OR2AP1: variants seen among roughly 807,000 people sequenced by gnomAD.
The protein encoded by OR2AP1 is olfactory receptor 2AP1.
Under a neutral mutation model 13.9 loss-of-function variants are expected in OR2AP1, and 20 were observed. That is an observed-to-expected ratio of 1.44 (90% CI 1.01 to 2.09). The LOEUF (loss-of-function observed/expected upper bound fraction) is 2.09, where lower values mean the gene tolerates loss of function less well. OR2AP1 is among the 30% of genes most tolerant of loss of function. The probability of loss-of-function intolerance (pLI) is 0.00; values close to 1 mark genes in which losing one functional copy is unlikely to be tolerated. For synonymous variants in OR2AP1, 174 were observed against 137.0 expected (o/e 1.27, Z -1.89); for missense variants, 490 against 360.6 (o/e 1.36, Z -2.91).
Position 55,575,500 on chromosome 12 carries a change from TG to T in OR2AP1, c.*157del. 1.9e-6 allele frequency: 1 copy of T among 522,594 alleles called. No individual in the cohort carries two copies. Among genetic ancestry groups the T allele is most frequent in the Non-Finnish European group, 3.4e-6 (1 of 293,156 alleles). The allele number at this position is 522,594 out of a possible 1,614,324, so 32.4% of individuals were successfully genotyped here. On this transcript the variant is annotated 3_prime_UTR_variant, in exon 2 of 2. Transcript: ENST00000641114. Reference sequence around the variant, plus strand: ...TTAAAAATGATGAGTTGATGTCCTTTGTAGGGACATGGATGAAATTGGAAAT... The same window carrying T: ...TTAAAAATGATGAGTTGATGTCCTTTTAGGGACATGGATGAAATTGGAAAT...
Position 55,575,136 on chromosome 12 carries a change from C to A in OR2AP1, c.722C>A (p.Ser241Tyr), listed in dbSNP as rs754521205. ...QRTKAFSTCS[S>Y]HMIVISLSYG... ...ACAAAAGCCTTTTCCACATGTTCTT[C>A]CCACATGATTGTCATCTCCCTCTCT... Residue 241 changes from serine (S) to tyrosine (Y), a missense_variant, in exon 2 of 2, where the codon TCC becomes TAC. Physicochemically the swap from Ser to Tyr is moderately radical, Grantham distance 144. Transcript: ENST00000641114. 1.9e-5 allele frequency: 31 copies of A among 1,600,438 alleles called. No individual in the cohort carries two copies. The highest frequency in any genetic ancestry group is 2.5e-5 in the Non-Finnish European group (30 of 1,177,826).
Position 55,574,322 on chromosome 12 carries a change from C to T in OR2AP1, c.-93C>T, listed in dbSNP as rs993478106. The T allele has an allele frequency of 1.8e-5, 12 of 668,474 alleles. No homozygotes were observed. Among genetic ancestry groups the T allele is most frequent in the Non-Finnish European group, 2.8e-5 (11 of 397,736 alleles). The allele number at this position is 668,474 out of a possible 1,614,324, so 41.4% of individuals were successfully genotyped here. A position where few individuals can be genotyped will look rare whatever the true frequency, so the allele number is the denominator to read the frequency against. On this transcript the variant is annotated 5_prime_UTR_variant, in exon 2 of 2. Transcript: ENST00000641114. ...ATCATCCATTTCATTTTTTTCTTGT[C>T]AGACTTCATCCGTTCATTTCAGAGC...
At position 55,575,266 on chromosome 12, in the gene OR2AP1, C is replaced by A; in HGVS notation, c.852C>A (p.Asn284Lys). 1 of 1,546,698 alleles carries A rather than the reference C, an allele frequency of 6.5e-7. No homozygotes were observed. The highest frequency in any genetic ancestry group is 8.7e-7 in the Non-Finnish European group (1 of 1,151,212). ...TTACTTCAGTTGCTCCTTTGTTGAA[C>A]CCCTTTATTTACACCCTAAGGAACC... ...LLITSVAPLL[N>K]PFIYTLRNQQ... Residue 284 changes from asparagine (N) to lysine (K), a missense_variant, in exon 2 of 2, where the codon AAC (asparagine) becomes AAA (lysine). Coordinates refer to ENST00000641114, the MANE Select transcript of OR2AP1 (RefSeq NM_001258285.2).
intron 1 of OR2AP1, among the ~76,000 whole-genome samples, chr12:55,573,552 G>T (rs900037150): frequency 4.3e-4 from 66 of 152,136 alleles, no homozygotes; most frequent in African/African-American, 1.6e-3. Flanking sequence ...ATAATTTAAT[G>T]GATTCACAGA....
chr12:55,573,380 C>A (rs138211140), intron 1 of OR2AP1, among the ~76,000 whole-genome samples: 23 of 152,076 alleles, frequency 1.5e-4, no homozygotes, highest in African/African-American at 5.1e-4. Flanking sequence ...AGGGCACTCC[C>A]AGATAATGTG....
At chr12:55,573,638 CA>C (rs1253332815) in intron 1 of OR2AP1, among the ~76,000 whole-genome samples, 13 of 152,310 alleles carry the variant, frequency 8.5e-5, no homozygotes, top group African/African-American at 2.9e-4. Context: ...AAGATCCTAA[CA>C]TTTCCTTGGA....
At chr12:55,573,016 TA>T (rs1321518179) in intron 1 of OR2AP1, among the ~76,000 whole-genome samples, 1 of 151,598 alleles carries the variant, frequency 6.6e-6, no homozygotes, top group South Asian at 2.1e-4. Context: ...TCACAAAAAA[TA>T]AAAAATAATA....
chr12:55,574,750 T>A lies in OR2AP1; in HGVS notation c.336T>A (p.Leu112=). The change falls in exon 2 of 2, where the codon CTT becomes CTA. Residue 112 remains leucine (L), a synonymous_variant. Transcript: ENST00000641114. ...TCCTTGGGGCTACAGAGTTTTACCT[T>A]CTGGCTGCCATGTCCTATGACCGCT... The part of the protein sequence containing the change: ...AMFLGATEFY[L]LAAMSYDRYV... 1 of 1,596,304 alleles carries A rather than the reference T, an allele frequency of 6.3e-7. No homozygotes were observed. Among genetic ancestry groups the A allele is most frequent in the Non-Finnish European group, 8.5e-7 (1 of 1,170,714 alleles).
intron 1 of OR2AP1, among the ~76,000 whole-genome samples, chr12:55,573,799 C>A (rs536565195): frequency 6.6e-6 from 1 of 152,198 alleles, no homozygotes; most frequent in East Asian, 1.9e-4. Flanking sequence ...AACCCTAATA[C>A]ACAAATCTTT....
In OR2AP1 at chr12:55,574,929, T is replaced by C; in HGVS notation, c.515T>C (p.Leu172Pro). Residue 172 changes from leucine (L) to proline (P), a missense_variant, in exon 2 of 2, where the codon CTG becomes CCG. Coordinates refer to ENST00000641114, the MANE Select transcript of OR2AP1 (RefSeq NM_001258285.2). ...SQQDFCASNR[L>P]NHYFCDYEPL... is the part of the protein sequence containing the mutation. ...CAGGACTTTTGTGCATCCAACAGAC[T>C]GAATCATTACTTCTGTGACTATGAG... The C allele has an allele frequency of 6.5e-7, 1 of 1,538,786 alleles. No individual in the cohort carries two copies. Among genetic ancestry groups the C allele is most frequent in the South Asian group, 1.2e-5 (1 of 84,140 alleles).
chr12:55,574,565 T>C lies in OR2AP1; in HGVS notation c.151T>C (p.Ser51Pro), dbSNP rs537195820. Reference sequence around the variant, plus strand: ...TATCCTCATCCTCACCTTGCTGGACTCCCACCTTCAGACTCCCATGTATTT... The same window carrying C: ...TATCCTCATCCTCACCTTGCTGGACCCCCACCTTCAGACTCCCATGTATTT... The part of the protein sequence containing the change: ...LTILILTLLD[S>P]HLQTPMYFFL... The change falls in exon 2 of 2, where the codon TCC becomes CCC. Residue 51 changes from serine to proline, a missense_variant. By Grantham distance (74) the Ser-to-Pro change is moderately conservative (BLOSUM62 -1). Coordinates refer to ENST00000641114, the MANE Select transcript of OR2AP1 (RefSeq NM_001258285.2). 7.1e-6 allele frequency: 11 copies of C among 1,540,376 alleles called. No homozygotes were observed. In the Admixed American group the frequency reaches 1.8e-4, roughly 25 times the overall value.
Position 55,574,811 on chromosome 12 carries a change from A to T in OR2AP1, c.397A>T (p.Ile133Phe). 1 of 1,606,780 alleles carries T rather than the reference A, an allele frequency of 6.2e-7. No individual in the cohort carries two copies. The highest frequency in any genetic ancestry group is 8.5e-7 in the Non-Finnish European group (1 of 1,176,592). Reference sequence around the variant, plus strand: ...CTGCAAACCTCTGCATTACACCACCATCATGAGCAGCAGAATCTGCATCCA... The same window carrying T: ...CTGCAAACCTCTGCATTACACCACCTTCATGAGCAGCAGAATCTGCATCCA... ...AICKPLHYTT[I>F]MSSRICIQLI... Residue 133 changes from isoleucine (I) to phenylalanine (F), a missense_variant, in exon 2 of 2, where the codon ATC becomes TTC. Coordinates refer to ENST00000641114, the MANE Select transcript of OR2AP1 (RefSeq NM_001258285.2).
rs1293024802 is a variant in OR2AP1, at chr12:55,574,302, C to T, written c.-113C>T. On this transcript the variant is annotated 5_prime_UTR_variant, in exon 2 of 2. Transcript: ENST00000641114. Reference sequence around the variant, plus strand: ...TGTCATCAGAGGAGAAGTTAATCATCCATTTCATTTTTTTCTTGTCAGACT... The same window carrying T: ...TGTCATCAGAGGAGAAGTTAATCATTCATTTCATTTTTTTCTTGTCAGACT... 1.6e-6 allele frequency: 1 copy of T among 624,606 alleles called. No individual in the cohort carries two copies. Among genetic ancestry groups the T allele is most frequent in the Non-Finnish European group, 2.8e-6 (1 of 358,510 alleles). 38.7% of individuals were successfully genotyped at this position (624,606 alleles called of 1,614,324 possible). A position where few individuals can be genotyped will look rare whatever the true frequency, so the allele number is the denominator to read the frequency against.
intron 1 of OR2AP1, 52 bp downstream of exon 1, chr12:55,572,674 T>A (rs961040329): frequency 6.6e-6 from 1 of 152,070 alleles, no homozygotes; most frequent in Non-Finnish European, 1.5e-5. Flanking sequence ...CTGGCTACCA[T>A]CCCCAGCACC....
In OR2AP1 at chr12:55,574,419, A is replaced by G; in HGVS notation, c.5A>G (p.Lys2Arg). The change falls in exon 2 of 2, where the codon AAA (lysine) becomes AGA (arginine). Residue 2 changes from lysine to arginine, a missense_variant. Physicochemically the swap from Lys to Arg is conservative, Grantham distance 26. Transcript: ENST00000641114. ...AGACTCAAAATTTTTTCAACAATGA[A>G]AAATAAAACCGTGTTAACTGAGTTT... M[K>R]NKTVLTEFIL... 1 of 1,500,784 alleles carries G rather than the reference A, an allele frequency of 6.7e-7. No homozygotes were observed. The highest frequency in any genetic ancestry group is 8.8e-7 in the Non-Finnish European group (1 of 1,131,132). The allele number at this position is 1,500,784 out of a possible 1,614,324, so 93.0% of individuals were successfully genotyped here. A position where few individuals can be genotyped will look rare whatever the true frequency, so the allele number is the denominator to read the frequency against.
chr12:55,573,498 T>G (rs1447894346), intron 1 of OR2AP1, among the ~76,000 whole-genome samples: 1 of 152,158 alleles, frequency 6.6e-6, no homozygotes, highest in East Asian at 1.9e-4. Context: ...TTGTACATTT[T>G]CCCCATAAAA....
At chr12:55,572,745 T>C (rs2135879583) in intron 1 of OR2AP1, 123 bp downstream of exon 1, 1 of 152,316 alleles carries the variant, frequency 6.6e-6, no homozygotes, top group Admixed American at 6.5e-5. Flanking sequence ...TATTTAAAGT[T>C]TGTTCCCTAA....
chr12:55,573,064 G>A (rs1874461596), intron 1 of OR2AP1, among the ~76,000 whole-genome samples: 1 of 152,046 alleles, frequency 6.6e-6, no homozygotes, highest in Admixed American at 6.6e-5. Flanking sequence ...TGTGGTCCCA[G>A]CTAATCAGGA....
chr12:55,575,253 C>T lies in OR2AP1; in HGVS notation c.839C>T (p.Ala280Val), dbSNP rs1402654215. The T allele has an allele frequency of 7.1e-6, 11 of 1,555,438 alleles. No homozygotes were observed. In the South Asian group the frequency reaches 9.3e-5, roughly 13 times the overall value. Residue 280 changes from alanine to valine, a missense_variant, in exon 2 of 2, where the codon GCT becomes GTT. Coordinates refer to ENST00000641114, the MANE Select transcript of OR2AP1 (RefSeq NM_001258285.2). ...KGVALLITSVAPLLNPFIYTL... is the reference protein window; with the variant it reads ...KGVALLITSVVPLLNPFIYTL... ...GTAGCTCTACTCATTACTTCAGTTG[C>T]TCCTTTGTTGAACCCCTTTATTTAC...
Sources: allele counts gnomAD v4.1 joint callset (sites outside exome capture counted in the v4.1 genomes callset), GRCh38; gene constraint gnomAD v4.1.1; transcripts MANE v1.5; gene names NCBI Gene and HGNC (gene_info 2026-07-23, HGNC 2026-07-21).